TTN: variants seen among roughly 807,000 people sequenced by gnomAD.
The protein encoded by TTN is titin, also known as connectin.
A neutral mutation model predicts 3,223.0 loss-of-function variants in TTN; 1,525 were observed. The observed-to-expected ratio is 0.47, with a 90% confidence interval of 0.45 to 0.49. The LOEUF is 0.49. TTN is among the 20% of genes least tolerant of loss of function. TTN has a pLI of 0.00. For synonymous variants in TTN, 14,094 were observed against 15,161.0 expected (o/e 0.93, Z 5.17); for missense variants, 40,786 against 43,424.0 (o/e 0.94, Z 5.40).
chr2:178,559,911 C>T lies in TTN; in HGVS notation c.86221G>A (p.Asp28741Asn), dbSNP rs1167302737. Residue 28741 changes from aspartate to asparagine, a missense_variant, in exon 326 of 363, where the codon GAC becomes AAC. Physicochemically the swap from Asp to Asn is conservative, Grantham distance 23. Coordinates refer to ENST00000589042, the MANE Select transcript of TTN (RefSeq NM_001267550.2). ...TCTCTTTCCTTTGCTATCTGAGGGT[C>T]AGAGCTATCACTGGGGTCACTAGCA... ...VGASDPSDSS[D>N]PQIAKEREEE... The T allele has an allele frequency of 6.2e-7, 1 of 1,613,622 alleles. No homozygotes were observed. Among genetic ancestry groups the T allele is most frequent in the South Asian group, 1.1e-5 (1 of 91,060 alleles).
chr2:178,539,746 A>G lies in TTN; in HGVS notation c.98319T>C (p.Tyr32773=), dbSNP rs183278868. Residue 32773 remains tyrosine (Y), a synonymous_variant, in exon 352 of 363, where the codon TAT becomes TAC. Transcript: ENST00000589042. ...KEADRGDSGT[Y]DLVLENKCGK... is the part of the protein sequence containing the mutation. Reference sequence around the variant, plus strand: ...CACATTTATTTTCCAGAACCAGGTCATAAGTGCCAGAATCACCCCTGTCTG... The same window carrying G: ...CACATTTATTTTCCAGAACCAGGTCGTAAGTGCCAGAATCACCCCTGTCTG... The G allele has an allele frequency of 3.4e-5, 55 of 1,613,842 alleles. No homozygotes were observed. The Admixed American group carries it at 3.5e-4, about 10-fold the overall frequency.
chr2:178,569,847 G>T lies in TTN; in HGVS notation c.76285C>A (p.Pro25429Thr), dbSNP rs1707494273. ...ATTTCACAGCCACCATCATATATTGGTTTGCTCCAAGAAAGGAATACTGAA... is the reference window on the plus strand; with the variant it reads ...ATTTCACAGCCACCATCATATATTGTTTTGCTCCAAGAAAGGAATACTGAA... Reference protein sequence around the residue: ...RSSVFLSWSKPIYDGGCEIQG... With the variant: ...RSSVFLSWSKTIYDGGCEIQG... Residue 25429 changes from proline (P) to threonine (T), a missense_variant, in exon 326 of 363, where the codon CCA (proline) becomes ACA (threonine). Pro to Thr is a conservative substitution (Grantham distance 38). Coordinates refer to ENST00000589042, the MANE Select transcript of TTN (RefSeq NM_001267550.2). 1 of 1,613,334 alleles carries T rather than the reference G, an allele frequency of 6.2e-7. No homozygotes were observed. Among genetic ancestry groups the T allele is most frequent in the East Asian group, 2.2e-5 (1 of 44,800 alleles).
In TTN at chr2:178,733,418, G is replaced by A. The variant is rs1394563400; in HGVS notation, c.15875C>T (p.Pro5292Leu). The A allele has an allele frequency of 5.0e-6, 8 of 1,613,732 alleles. No individual in the cohort carries two copies. The highest frequency in any genetic ancestry group is 5.9e-6 in the Non-Finnish European group (7 of 1,179,784). ...YTVAGTPELKPKWYKDGRPLV... is the reference protein window; with the variant it reads ...YTVAGTPELKLKWYKDGRPLV... ...GGGTCTCCCATCTTTGTACCATTTGGGCTTCAGTTCTGGCGTGCCTGCCAC... is the reference window on the plus strand; with the variant it reads ...GGGTCTCCCATCTTTGTACCATTTGAGCTTCAGTTCTGGCGTGCCTGCCAC... Residue 5292 changes from proline to leucine, a missense_variant, in exon 54 of 363, where the codon CCC becomes CTC. By Grantham distance (98) the Pro-to-Leu change is moderately conservative. Coordinates refer to ENST00000589042, the MANE Select transcript of TTN (RefSeq NM_001267550.2).
At chr2:178,754,204 T>C (rs2086340008) in intron 46 of TTN, among the ~76,000 whole-genome samples, 1 of 152,144 alleles carries the variant, frequency 6.6e-6, no homozygotes, top group African/African-American at 2.4e-5. Flanking sequence ...TCCAGGGGTT[T>C]GACATTCCTA....
rs1553488049 is a variant in TTN at position 178,532,100 on chromosome 2, G to A, written c.104515C>T (p.Arg34839Ter). ...SSSSASRLLRRRRSLSPTYIE... is the reference protein window; with the variant it reads ...SSSSASRLLR ...TAAGTTGGAGACAGGGAGCGCCGTC[G>A]TCTCAGTAGTCTAGACGCAGATGAG... The change falls in exon 358 of 363, where the codon CGA (arginine) becomes TGA (stop). Residue 34839 changes from arginine (R) to a stop codon, truncating the protein, a stop_gained. Coordinates refer to ENST00000589042, the MANE Select transcript of TTN (RefSeq NM_001267550.2). LOFTEE classifies it high-confidence loss of function. 2.5e-6 allele frequency: 4 copies of A among 1,613,922 alleles called. No individual in the cohort carries two copies. The highest frequency in any genetic ancestry group is 3.4e-6 in the Non-Finnish European group (4 of 1,179,864).
chr2:178,740,754 G>T lies in TTN; in HGVS notation c.12479C>A (p.Thr4160Asn), dbSNP rs757006241. The change falls in exon 48 of 363, where the codon ACC (threonine) becomes AAC (asparagine). Residue 4160 changes from threonine (T) to asparagine (N), a missense_variant. Thr to Asn is a moderately conservative substitution (Grantham distance 65). Transcript: ENST00000589042. ...CATTAGAATACCTTCTTTGGAGAAG[G>T]TTTTCTGGGACTGTACAATCTGCAG... The part of the protein sequence containing the change: ...LQLQIVQSQK[T>N]FSKEGILMPE... 11 of 1,613,740 alleles carry T rather than the reference G, an allele frequency of 6.8e-6. No individual in the cohort carries two copies. In the South Asian group the frequency reaches 1.2e-4, roughly 18 times the overall value.
At chr2:178,789,287 A>G in intron 13 of TTN, 73 bp downstream of exon 13, 2 of 1,583,312 alleles carry the variant, frequency 1.3e-6, no homozygotes, top group East Asian at 2.2e-5. Flanking sequence ...GTATTACAAT[A>G]AGGAATTTCA....
intron 73 of TTN, 31 bp from the exon 74 acceptor site, chr2:178,723,727 C>T: frequency 2.0e-6 from 3 of 1,532,648 alleles, no homozygotes; most frequent in East Asian, 2.3e-5. Flanking sequence ...ATTAAAAGAT[C>T]CTGTAAGCTT....
In TTN at chr2:178,778,789, C is replaced by T. The variant is rs976331957; in HGVS notation, c.4208+85G>A. 4.4e-6 allele frequency: 7 copies of T among 1,586,270 alleles called. No individual in the cohort carries two copies. In the Admixed American group the frequency reaches 6.8e-5, roughly 15 times the overall value. ...CTGTGCCATTTTAGCCCTCGATTTT[C>T]TTCTTACACAATAGCAATTTGCTAC... On this transcript the variant is annotated intron_variant, in intron 24 of 362. Coordinates refer to ENST00000589042, the MANE Select transcript of TTN (RefSeq NM_001267550.2).
intron 295 of TTN, among the ~76,000 whole-genome samples, 168 bp from the exon 296 acceptor site, chr2:178,594,814 C>G (rs897537087): frequency 6.6e-6 from 1 of 151,912 alleles, no homozygotes; most frequent in African/African-American, 2.4e-5. Flanking sequence ...TAAAAAGGAC[C>G]CAATACAATT....
In TTN at chr2:178,739,882, C is replaced by T. The variant is rs1024420546; in HGVS notation, c.13351G>A (p.Val4451Ile). 2.5e-5 allele frequency: 40 copies of T among 1,613,746 alleles called. No individual in the cohort carries two copies. Among genetic ancestry groups the T allele is most frequent in the Admixed American group, 1.8e-4 (11 of 59,974 alleles). Residue 4451 changes from valine (V) to isoleucine (I), a missense_variant, in exon 48 of 363, where the codon GTA (valine) becomes ATA (isoleucine). Physicochemically the swap from Val to Ile is conservative, Grantham distance 29 (BLOSUM62 3). Transcript: ENST00000589042. ...CMYLVTSAKS[V>I]TEEVTIIIED... is the part of the protein sequence containing the mutation. ...ATAATGATGGTTACTTCTTCTGTTA[C>T]AGACTTTGCCGAAGTAACAAGGTAC...
At chr2:178,758,280 C>T (rs541050235) in intron 44 of TTN, among the ~76,000 whole-genome samples, 18 of 152,166 alleles carry the variant, frequency 1.2e-4, no homozygotes, top group South Asian at 2.1e-4. Context: ...ACAGTTAATG[C>T]ATAAGGTTAA....
At position 178,777,446 on chromosome 2, in the gene TTN, G is replaced by A. The variant is rs2092352541; in HGVS notation, c.4619C>T (p.Ser1540Leu). 6.2e-7 allele frequency: 1 copy of A among 1,613,672 alleles called. No individual in the cohort carries two copies. The highest frequency in any genetic ancestry group is 1.3e-5 in the African/African-American group (1 of 74,984). The change falls in exon 26 of 363, where the codon TCA becomes TTA. Residue 1540 changes from serine (S) to leucine (L), a missense_variant. Transcript: ENST00000589042. ...TTCCACAGTTAAAATCACTGAAATT[G>A]AAGATCTGCCTGCCCTGTTTTGGGC... Reference protein sequence around the residue: ...VVAQNRAGRSSISVILTVEAV... With the variant: ...VVAQNRAGRSLISVILTVEAV...
chr2:178,649,138 G>T, intron 213 of TTN, 110 bp downstream of exon 213: 4 of 833,430 alleles, frequency 4.8e-6, no homozygotes, highest in South Asian at 2.4e-5. Context: ...TTTTTTCTGT[G>T]CAATATGGTT....
intron 116 of TTN, 34 bp downstream of exon 116, chr2:178,694,795 T>A (rs766639197): frequency 1.3e-6 from 2 of 1,520,466 alleles, no homozygotes; most frequent in African/African-American, 2.8e-5. Context: ...ATATTACTTG[T>A]GTACATGGGT....
At chr2:178,601,235 G>C (rs2053360386) in intron 287 of TTN, 30 bp downstream of exon 287, 2 of 1,519,420 alleles carry the variant, frequency 1.3e-6, no homozygotes, top group Non-Finnish European at 1.8e-6. Flanking sequence ...ATTTTGAGAA[G>C]ATATTTTAAA....
chr2:178,601,832 A>G (rs371251335), intron 285 of TTN, 45 bp from the exon 286 acceptor site: 21 of 1,605,052 alleles, frequency 1.3e-5, no homozygotes, highest in Non-Finnish European at 1.8e-5. Flanking sequence ...AAATCATAGC[A>G]ATATTGAAGT....
In TTN at chr2:178,644,457, A is replaced by G. The variant is rs190813471; in HGVS notation, c.40477+91T>C. On this transcript the variant is annotated intron_variant, in intron 218 of 362. Coordinates refer to ENST00000589042, the MANE Select transcript of TTN (RefSeq NM_001267550.2). ...GGGACTACTCTCTGATCATTGAAAA[A>G]GAGAGACAGAACATTCGATGGAGGC... 1.4e-4 allele frequency: 140 copies of G among 979,690 alleles called. 1 individual carries two copies. The East Asian group carries it at 2.6e-3, about 18-fold the overall frequency. 60.7% of individuals were successfully genotyped at this position (979,690 alleles called of 1,614,324 possible). A position where few individuals can be genotyped will look rare whatever the true frequency, so the allele number is the denominator to read the frequency against.
chr2:178,781,886 G>T (rs1399381487), intron 20 of TTN, among the ~76,000 whole-genome samples: 1 of 147,254 alleles, frequency 6.8e-6, no homozygotes. Flanking sequence ...ATTGAAAATT[G>T]TCTCAAATCT....
Sources: allele counts gnomAD v4.1 joint callset (sites outside exome capture counted in the v4.1 genomes callset), GRCh38; gene constraint gnomAD v4.1.1; transcripts MANE v1.5; gene names NCBI Gene and HGNC (gene_info 2026-07-23, HGNC 2026-07-21).